The following EVL variants were observed in gnomAD, a reference collection of about 807,000 sequenced individuals.
EVL encodes Enah/Vasp-like.
Under a neutral mutation model 59.6 loss-of-function variants are expected in EVL, and 21 were observed. The observed-to-expected ratio is 0.35, with a 90% confidence interval of 0.25 to 0.51. The LOEUF is 0.51. EVL is among the 20% of genes least tolerant of loss of function. EVL has a pLI of 0.97. For synonymous variants in EVL, 198 were observed against 203.5 expected, an observed-to-expected ratio of 0.97 and a Z score of 0.23; for missense variants, 462 against 546.6, an observed-to-expected ratio of 0.85 and a Z score of 1.54.
intron 2 of EVL, among the ~76,000 whole-genome samples, chr14:100,091,338 A>G (rs941092510): frequency 2.0e-5 from 3 of 152,224 alleles, no homozygotes; most frequent in African/African-American, 7.2e-5. Flanking sequence ...AGAGGAAGGA[A>G]TGCTACAGAG....
chr14:99,980,613 C>T (rs571665814), intron 1 of EVL, among the ~76,000 whole-genome samples: 71 of 152,076 alleles, frequency 4.7e-4, no homozygotes, highest in Non-Finnish European at 2.2e-4. Context: ...TCACCCTTAG[C>T]CTATACTAGC....
chr14:100,093,971 T>C (rs1482279977), intron 2 of EVL, among the ~76,000 whole-genome samples: 1 of 152,256 alleles, frequency 6.6e-6, no homozygotes, highest in African/African-American at 2.4e-5. Context: ...AATCTCTGAC[T>C]ATGGCTAATT....
intron 1 of EVL, among the ~76,000 whole-genome samples, chr14:100,032,937 T>G (rs1208648347): frequency 6.8e-6 from 1 of 147,242 alleles, no homozygotes; most frequent in African/African-American, 2.5e-5. Flanking sequence ...TTTATTACCT[T>G]TTTTTTTTTA....
chr14:100,141,958 G>T, intron 13 of EVL, 165 bp downstream of exon 13: 2 of 547,012 alleles, frequency 3.7e-6, no homozygotes, highest in Non-Finnish European at 3.1e-6. Context: ...ACAGGCTCAG[G>T]AAAGCTGAAA....
chr14:100,020,376 A>G (rs1015519539), intron 1 of EVL, among the ~76,000 whole-genome samples: 4 of 152,116 alleles, frequency 2.6e-5, no homozygotes, highest in Non-Finnish European at 5.9e-5. Context: ...AGGAGTTTCT[A>G]AGAAATGAAA....
chr14:100,099,801 C>T (rs1886084147), intron 3 of EVL, among the ~76,000 whole-genome samples: 1 of 151,444 alleles, frequency 6.6e-6, no homozygotes, highest in South Asian at 2.1e-4. Flanking sequence ...TCTTGATCTC[C>T]TGACCTTGTG....
intron 1 of EVL, among the ~76,000 whole-genome samples, chr14:100,008,174 TTC>T (rs1359313786): frequency 1.3e-5 from 2 of 152,190 alleles, no homozygotes; most frequent in African/African-American, 2.4e-5. Context: ...ACAGTGCTGG[TTC>T]TCTCCTCCAG....
rs2062057933 is a variant in EVL at position 100,072,009 on chromosome 14, A to G, written c.11+6498A>G. 2.0e-5 allele frequency among the ~76,000 whole-genome samples: 3 copies of G among 152,256 alleles called. No individual in the cohort carries two copies. In the South Asian group the frequency reaches 6.2e-4, roughly 32 times the overall value. On this transcript the variant is annotated intron_variant, in intron 1 of 13. Transcript: ENST00000392920. Reference sequence around the variant, plus strand: ...TACTAAGGGGAAAATATAGCTTTCCATTGGAGATCTGGCAGTCACCTCTTA... The same window carrying G: ...TACTAAGGGGAAAATATAGCTTTCCGTTGGAGATCTGGCAGTCACCTCTTA...
At chr14:100,102,449 C>T in intron 3 of EVL, 1 of 448,164 alleles carries the variant, frequency 2.2e-6, no homozygotes, top group Non-Finnish European at 4.5e-6. Flanking sequence ...ACATTGTCTA[C>T]ATTTTAGGAG....
At chr14:100,029,264 C>G (rs966660190) in intron 1 of EVL, among the ~76,000 whole-genome samples, 1 of 152,206 alleles carries the variant, frequency 6.6e-6, no homozygotes, top group Non-Finnish European at 1.5e-5. Flanking sequence ...ACTTGGGTCT[C>G]TATGTCTCCT....
chr14:100,095,943 A>G (rs1365914021), intron 2 of EVL, among the ~76,000 whole-genome samples: 1 of 152,032 alleles, frequency 6.6e-6, no homozygotes, highest in Non-Finnish European at 1.5e-5. Flanking sequence ...GGCCAGGCTG[A>G]TCTTGAACTT....
At position 100,097,551 on chromosome 14, in the gene EVL, G is replaced by A. The variant is rs1567016267; in HGVS notation, c.251G>A (p.Arg84Gln). ...NQATPTFHQW[R>Q]DARQVYGLNF... Reference sequence around the variant, plus strand: ...GCCACGCCAACCTTCCACCAGTGGCGAGATGCCCGCCAGGTCTACGGCTTA... The same window carrying A: ...GCCACGCCAACCTTCCACCAGTGGCAAGATGCCCGCCAGGTCTACGGCTTA... The change falls in exon 3 of 14, where the codon CGA becomes CAA. Residue 84 changes from arginine (R) to glutamine (Q), a missense_variant. Transcript: ENST00000392920. The A allele has an allele frequency of 1.2e-6, 2 of 1,614,188 alleles. No individual in the cohort carries two copies. Among genetic ancestry groups the A allele is most frequent in the South Asian group, 1.1e-5 (1 of 91,076 alleles).
At chr14:100,032,964 T>G (rs1036465620) in intron 1 of EVL, among the ~76,000 whole-genome samples, 1 of 152,116 alleles carries the variant, frequency 6.6e-6, no homozygotes, top group Non-Finnish European at 1.5e-5. Flanking sequence ...TGCATTATCC[T>G]TGTCATGTCA....
Position 100,019,622 on chromosome 14 carries a change from A to G in EVL, c.5+47565A>G, listed in dbSNP as rs2061085607. 2.6e-6 allele frequency: 4 copies of G among 1,518,904 alleles called. No homozygotes were observed. In the African/African-American group the frequency reaches 4.1e-5, roughly 16 times the overall value. 94.1% of individuals were successfully genotyped at this position (1,518,904 alleles called of 1,614,324 possible). On this transcript the variant is annotated intron_variant, in intron 1 of 13. Transcript: ENST00000402714. ...ACTAAATGGTTGTCCTCCATACCAAAAAGACTACCACACAATCTAAGGAAA... is the reference window on the plus strand; with the variant it reads ...ACTAAATGGTTGTCCTCCATACCAAGAAGACTACCACACAATCTAAGGAAA...
rs111746177 is a variant in EVL at position 100,136,517 on chromosome 14, G to T, written c.964+549G>T. ...CTTCGCAGGGGAGGAAGACCCCAGG[G>T]TTGGTTGTTCATTCGACAAACATCT... On this transcript the variant is annotated intron_variant, in intron 9 of 13. Coordinates refer to ENST00000392920, the MANE Select transcript of EVL (RefSeq NM_016337.3). Among the ~76,000 whole-genome samples the T allele has an allele frequency of 7.2e-5, 11 of 152,280 alleles. 1 individual carries two copies. Among genetic ancestry groups the T allele is most frequent in the African/African-American group, 2.6e-4 (11 of 41,554 alleles).
intron 1 of EVL, among the ~76,000 whole-genome samples, chr14:100,018,688 C>G (rs2140198685): frequency 6.6e-6 from 1 of 152,286 alleles, no homozygotes; most frequent in East Asian, 1.9e-4. Context: ...ACTGATGACA[C>G]TGGGGTCAAG....
rs117231151 is a variant in EVL, at chr14:100,114,109, G to C, written c.359-9430G>C. On this transcript the variant is annotated intron_variant, in intron 3 of 13. Transcript: ENST00000392920. The surrounding 1 kb of genome is among the most constrained non-coding windows in gnomAD (Gnocchi z 5.0). ...CAGGCCAGAGAGGATGCACCTAAGA[G>C]ACAGTTTGCAGGAGAGGCAGCATTT... is the stretch of plus-strand genomic sequence containing the variant. Among the ~76,000 whole-genome samples the C allele has an allele frequency of 0.017, 2,631 of 152,088 alleles. 36 individuals carry two copies. Among genetic ancestry groups the C allele is most frequent in the Non-Finnish European group, 0.03 (2,039 of 67,984 alleles).
chr14:100,109,109 C>T lies in EVL; in HGVS notation c.358+11451C>T, dbSNP rs900248394. Among the ~76,000 whole-genome samples the T allele has an allele frequency of 2.0e-5, 3 of 152,232 alleles. No individual in the cohort carries two copies. The highest frequency in any genetic ancestry group is 4.4e-5 in the Non-Finnish European group (3 of 68,040). On this transcript the variant is annotated intron_variant, in intron 3 of 13. Coordinates refer to ENST00000392920, the MANE Select transcript of EVL (RefSeq NM_016337.3). The surrounding 1 kb of genome is among the most constrained non-coding windows in gnomAD (Gnocchi z 4.3). ...GTGCATTGGCCTGAGCCCCTGGTCCCTCTGACTCACTGGCTCCCATTTTCA... is the reference window on the plus strand; with the variant it reads ...GTGCATTGGCCTGAGCCCCTGGTCCTTCTGACTCACTGGCTCCCATTTTCA...
At chr14:100,011,833 G>A (rs926558579) in intron 1 of EVL, among the ~76,000 whole-genome samples, 10 of 152,174 alleles carry the variant, frequency 6.6e-5, no homozygotes, top group African/African-American at 2.4e-4. Flanking sequence ...AAAGTGCAAA[G>A]GGATAATTTC....
Sources: gnomAD v4.1 joint callset for allele counts (sites outside exome capture counted in the v4.1 genomes callset) on GRCh38, gnomAD v4.1.1 for gene constraint, Gnocchi (gnomAD v3.1) non-coding constraint, MANE v1.5 for transcripts, NCBI Gene and HGNC (gene_info 2026-07-23, HGNC 2026-07-21) for gene names.